The following SULT4A1 variants were observed in gnomAD, a reference collection of about 807,000 sequenced individuals.
SULT4A1 encodes sulfotransferase family 4A member 1.
In SULT4A1, 11 loss-of-function variants were observed where a neutral mutation model predicts 35.2. That is an observed-to-expected ratio of 0.31 (90% CI 0.20 to 0.52). The LOEUF (loss-of-function observed/expected upper bound fraction) is 0.52, where lower values mean the gene tolerates loss of function less well. Ranked by LOEUF, SULT4A1 falls within the 20% of genes least tolerant of loss-of-function variation. The pLI is 0.97. For synonymous variants in SULT4A1, 152 were observed against 151.8 expected (o/e 1.00, Z -0.01); for missense variants, 271 against 383.7 (o/e 0.71, Z 2.45).
intron 1 of SULT4A1, among the ~76,000 whole-genome samples, chr22:43,858,891 C>T (rs2049434129): frequency 6.6e-6 from 1 of 152,186 alleles, no homozygotes; most frequent in Admixed American, 6.5e-5. Flanking sequence ...GGCAAAACAG[C>T]ATCTGTAATG....
Position 43,862,301 on chromosome 22 carries a change from G to C in SULT4A1, c.82C>G (p.Pro28Ala), listed in dbSNP as rs746904933. 6.4e-7 allele frequency: 1 copy of C among 1,569,618 alleles called. No homozygotes were observed. The highest frequency in any genetic ancestry group is 8.6e-7 in the Non-Finnish European group (1 of 1,156,972). The change falls in exon 1 of 7, where the codon CCG (proline) becomes GCG (alanine). Residue 28 changes from proline (P) to alanine (A), a missense_variant. By Grantham distance (27) the Pro-to-Ala change is conservative (BLOSUM62 -1). Around this residue, in one of 3 missense-constraint regions of SULT4A1, gnomAD observed 164 missense variants for 254.1 expected, o/e 0.65. Transcript: ENST00000330884. ...TCCATCTTCCCGCGGCAGAAGGGCGGCAGCCGCACGCCATGGAACTCGAAG... is the reference window on the plus strand; with the variant it reads ...TCCATCTTCCCGCGGCAGAAGGGCGCCAGCCGCACGCCATGGAACTCGAAG... Reference protein sequence around the residue: ...KYFEFHGVRLPPFCRGKMEEI... With the variant: ...KYFEFHGVRLAPFCRGKMEEI...
In SULT4A1 at chr22:43,862,497, A is replaced by C. The variant is rs2049487653; in HGVS notation, c.-115T>G. 1.1e-6 allele frequency: 1 copy of C among 930,858 alleles called. No individual in the cohort carries two copies. The highest frequency in any genetic ancestry group is 1.8e-5 in the African/African-American group (1 of 54,718). The allele number at this position is 930,858 out of a possible 1,614,324, so 57.7% of individuals were successfully genotyped here. ...TCGCGCCCCACCGGCGCGCGGCGGCAGCTCCGCAGGCGTGACGTCATGGCG... is the reference window on the plus strand; with the variant it reads ...TCGCGCCCCACCGGCGCGCGGCGGCCGCTCCGCAGGCGTGACGTCATGGCG... On this transcript the variant is annotated 5_prime_UTR_variant, in exon 1 of 7. Transcript: ENST00000330884.
At chr22:43,827,154 T>C in intron 6 of SULT4A1, 1 of 985,466 alleles carries the variant, frequency 1.0e-6, no homozygotes, top group Middle Eastern at 5.2e-4. Flanking sequence ...CTCCCTGCTT[T>C]TGAAGAACTG....
chr22:43,847,702 T>A (rs933129841), intron 1 of SULT4A1, among the ~76,000 whole-genome samples: 6 of 152,098 alleles, frequency 3.9e-5, no homozygotes, highest in African/African-American at 1.2e-4. Flanking sequence ...GGGTCACTGC[T>A]CGCAGGAAGC....
intron 6 of SULT4A1, chr22:43,827,658 A>G (rs2148275171): frequency 7.3e-7 from 1 of 1,365,970 alleles, no homozygotes; most frequent in South Asian, 1.1e-5. Flanking sequence ...AAAACAAATC[A>G]AAGAACTGAA....
chr22:43,856,459 A>G (rs2049401682), intron 1 of SULT4A1, among the ~76,000 whole-genome samples: 1 of 152,192 alleles, frequency 6.6e-6, no homozygotes, highest in South Asian at 2.1e-4. Flanking sequence ...TCAATGAAAA[A>G]GCCCTACCCA....
intron 6 of SULT4A1, chr22:43,827,268 A>G (rs559962258): frequency 1.0e-6 from 1 of 985,442 alleles, no homozygotes; most frequent in African/African-American, 1.7e-5. Context: ...TTGTCCAGGC[A>G]GGACCTCAGG....
At chr22:43,849,447 C>T (rs1180952671) in intron 1 of SULT4A1, among the ~76,000 whole-genome samples, 5 of 152,288 alleles carry the variant, frequency 3.3e-5, no homozygotes, top group African/African-American at 1.2e-4. Context: ...CAATCCTGTG[C>T]TTATAAAAAC....
chr22:43,825,465 C>T lies in SULT4A1; in HGVS notation c.*536G>A, dbSNP rs1190363895. On this transcript the variant is annotated 3_prime_UTR_variant, in exon 7 of 7. Coordinates refer to ENST00000330884, the MANE Select transcript of SULT4A1 (RefSeq NM_014351.4). ...CAGAATAAACAAGTGTCCAGATTCCCCCCAACAGACCCAACTCATCCTCTG... is the reference window on the plus strand; with the variant it reads ...CAGAATAAACAAGTGTCCAGATTCCTCCCAACAGACCCAACTCATCCTCTG... 2 of 152,458 alleles carry T rather than the reference C, an allele frequency of 1.3e-5. No homozygotes were observed. The highest frequency in any genetic ancestry group is 2.4e-5 in the African/African-American group (1 of 41,450). The allele number at this position is 152,458 out of a possible 1,614,324, so 9.4% of individuals were successfully genotyped here. A position where few individuals can be genotyped will look rare whatever the true frequency, so the allele number is the denominator to read the frequency against.
intron 1 of SULT4A1, among the ~76,000 whole-genome samples, chr22:43,845,226 C>G (rs767364013): frequency 6.6e-6 from 1 of 152,136 alleles, no homozygotes; most frequent in African/African-American, 2.4e-5. Context: ...GGTGACAGCC[C>G]GGAGTGCAGC....
intron 1 of SULT4A1, among the ~76,000 whole-genome samples, chr22:43,861,046 A>G (rs1055663139): frequency 2.6e-5 from 4 of 152,196 alleles, no homozygotes; most frequent in Admixed American, 6.5e-5. Context: ...ACAGAAGCCA[A>G]CGACACGCTT....
chr22:43,824,598 A>G lies in SULT4A1; in HGVS notation c.*1403T>C, dbSNP rs2148272567. The G allele has an allele frequency of 6.6e-6, 1 of 152,324 alleles. No individual in the cohort carries two copies. The highest frequency in any genetic ancestry group is 1.9e-4 in the East Asian group (1 of 5,164). The allele number at this position is 152,324 out of a possible 1,614,324, so 9.4% of individuals were successfully genotyped here. A position where few individuals can be genotyped will look rare whatever the true frequency, so the allele number is the denominator to read the frequency against. ...ACATCCATACAGTACTAAAAATAGA[A>G]AAATATAAATGAAATTTCACAGAAA... On this transcript the variant is annotated 3_prime_UTR_variant, in exon 7 of 7. Coordinates refer to ENST00000330884, the MANE Select transcript of SULT4A1 (RefSeq NM_014351.4).
At chr22:43,845,169 C>T (rs1021027283) in intron 1 of SULT4A1, among the ~76,000 whole-genome samples, 5 of 152,186 alleles carry the variant, frequency 3.3e-5, no homozygotes, top group African/African-American at 7.2e-5. Context: ...TTCATATCGG[C>T]GGCTCCAGTT....
chr22:43,838,994 C>T lies in SULT4A1; in HGVS notation c.382-1G>A. On this transcript the variant is annotated splice_acceptor_variant, in intron 3 of 6. Coordinates refer to ENST00000330884, the MANE Select transcript of SULT4A1 (RefSeq NM_014351.4). LOFTEE classifies it high-confidence loss of function. ...TGGGGTTGCGAGCCATATAGATGAC[C>T]TGTGGGTGACAGGAGCAGGATGAGT... 1.2e-6 allele frequency: 2 copies of T among 1,613,976 alleles called. No homozygotes were observed. Among genetic ancestry groups the T allele is most frequent in the Non-Finnish European group, 1.7e-6 (2 of 1,179,866 alleles).
At chr22:43,844,519 C>T (rs995185763) in intron 1 of SULT4A1, among the ~76,000 whole-genome samples, 1 of 152,212 alleles carries the variant, frequency 6.6e-6, no homozygotes, top group Non-Finnish European at 1.5e-5. Context: ...CAGCACATTT[C>T]GCACTCAGGT....
chr22:43,825,976 A>G lies in SULT4A1; in HGVS notation c.*25T>C, dbSNP rs754813118. On this transcript the variant is annotated 3_prime_UTR_variant, in exon 7 of 7. Transcript: ENST00000330884. ...GCTAGTAGACTGTCTGGGTATTGTG[A>G]GCATGCAGGTTGTTGTTTCTGTTAT... 6.2e-7 allele frequency: 1 copy of G among 1,604,536 alleles called. No individual in the cohort carries two copies. The highest frequency in any genetic ancestry group is 1.7e-5 in the Admixed American group (1 of 59,836).
At chr22:43,841,955 C>T (rs961703135) in intron 1 of SULT4A1, 23 bp from the exon 2 acceptor site, 8 of 1,609,040 alleles carry the variant, frequency 5.0e-6, no homozygotes, top group Non-Finnish European at 5.9e-6. Context: ...AGCCCCAGCG[C>T]GGGGTGCTCA....
intron 1 of SULT4A1, among the ~76,000 whole-genome samples, 169 bp from the exon 2 acceptor site, chr22:43,842,101 C>A (rs1170374914): frequency 6.6e-6 from 1 of 152,200 alleles, no homozygotes; most frequent in Non-Finnish European, 1.5e-5. Flanking sequence ...AGCCTGAATC[C>A]CCCGTGCTGG....
At chr22:43,829,010 C>G in intron 6 of SULT4A1, 50 bp downstream of exon 6, 1 of 1,476,572 alleles carries the variant, frequency 6.8e-7, no homozygotes, top group Non-Finnish European at 9.0e-7. Context: ...GAGAAAGCAG[C>G]CTGGCTGGGG....
Sources: gnomAD v4.1 joint callset for allele counts (sites outside exome capture counted in the v4.1 genomes callset) on GRCh38, gnomAD v4.1.1 for gene constraint, gnomAD v4.1.1 regional missense constraint, MANE v1.5 for transcripts, NCBI Gene and HGNC (gene_info 2026-07-23, HGNC 2026-07-21) for gene names.